NSMCE2: variants seen among roughly 807,000 people sequenced by gnomAD.
The protein encoded by NSMCE2 is NSE2 SUMO ligase component of SMC5/6 complex, also known as E3 SUMO-protein ligase NSE2.
NSMCE2 carries 24 observed loss-of-function variants against 23.8 expected under a neutral mutation model. The ratio of observed to expected loss-of-function variants is 1.01; its 90% CI spans 0.73 to 1.42. NSMCE2 has a LOEUF of 1.42. Ranked by LOEUF, NSMCE2 falls within the 40% of genes most tolerant of loss-of-function variation. NSMCE2 has a pLI of 0.00. For missense variants in NSMCE2, 284 were observed against 296.5 expected (o/e 0.96, Z 0.31); for synonymous variants, 92 against 94.1 (o/e 0.98, Z 0.13).
At chr8:125,180,686 A>T (rs770506163) in intron 4 of NSMCE2, among the ~76,000 whole-genome samples, 1 of 152,182 alleles carries the variant, frequency 6.6e-6, no homozygotes, top group Non-Finnish European at 1.5e-5. Flanking sequence ...AAGTCATTTG[A>T]CTTCTTTCTA....
intron 5 of NSMCE2, among the ~76,000 whole-genome samples, chr8:125,347,498 G>A (rs560276242): frequency 2.4e-4 from 36 of 152,150 alleles, no homozygotes; most frequent in Non-Finnish European, 4.7e-4. Flanking sequence ...TACCAGACCC[G>A]ATCTTATTCC....
chr8:125,203,014 C>A (rs986279601), intron 5 of NSMCE2, among the ~76,000 whole-genome samples: 2 of 152,138 alleles, frequency 1.3e-5, no homozygotes, highest in African/African-American at 4.8e-5. Context: ...TCACCATGAA[C>A]CTTCCTATGC....
At chr8:125,109,793 A>C (rs1269340389) in intron 3 of NSMCE2, among the ~76,000 whole-genome samples, 1 of 152,150 alleles carries the variant, frequency 6.6e-6, no homozygotes, top group African/African-American at 2.4e-5. Flanking sequence ...ACGTTAGAAT[A>C]TATGGTGTCT....
intron 3 of NSMCE2, among the ~76,000 whole-genome samples, chr8:125,129,313 C>T (rs1819645966): frequency 6.6e-6 from 1 of 151,976 alleles, no homozygotes; most frequent in Non-Finnish European, 1.5e-5. Context: ...TGGTAATGAC[C>T]TTTATAGACT....
At chr8:125,224,113 G>A (rs193182283) in intron 5 of NSMCE2, among the ~76,000 whole-genome samples, 61 of 152,252 alleles carry the variant, frequency 4.0e-4, no homozygotes, top group African/African-American at 1.4e-3. Context: ...TGGGATTACA[G>A]GCATAAGCCA....
intron 5 of NSMCE2, among the ~76,000 whole-genome samples, chr8:125,297,702 G>A (rs1378267028): frequency 6.6e-6 from 1 of 151,834 alleles, no homozygotes; most frequent in Non-Finnish European, 1.5e-5. Flanking sequence ...AGGCATAATA[G>A]CGTGCGCCTG....
chr8:125,217,329 A>T (rs1053024305), intron 5 of NSMCE2, among the ~76,000 whole-genome samples: 40 of 151,720 alleles, frequency 2.6e-4, no homozygotes, highest in African/African-American at 6.8e-4. Flanking sequence ...TCACTTTTTT[A>T]AAAAATTTTA....
chr8:125,109,132 T>G (rs1025142841), intron 3 of NSMCE2, among the ~76,000 whole-genome samples: 5 of 152,208 alleles, frequency 3.3e-5, no homozygotes, highest in African/African-American at 9.6e-5. Flanking sequence ...ATGTATCTTA[T>G]ACCCTCATTG....
chr8:125,196,500 G>C (rs76381272), intron 5 of NSMCE2, among the ~76,000 whole-genome samples: 1 of 152,236 alleles, frequency 6.6e-6, no homozygotes, highest in African/African-American at 2.4e-5. Flanking sequence ...ATGGTTTCCA[G>C]CTTCATCCAT....
intron 4 of NSMCE2, among the ~76,000 whole-genome samples, chr8:125,159,504 C>T (rs941755140): frequency 2.0e-5 from 3 of 152,094 alleles, no homozygotes; most frequent in Non-Finnish European, 4.4e-5. Context: ...TACTATAGAG[C>T]CCAGGAGTGT....
intron 5 of NSMCE2, among the ~76,000 whole-genome samples, chr8:125,222,713 A>G (rs951822540): frequency 1.3e-5 from 2 of 152,296 alleles, no homozygotes; most frequent in Non-Finnish European, 1.5e-5. Flanking sequence ...TTTAAAGGCT[A>G]GCTAGTATTC....
At chr8:125,182,499 A>G (rs1015290956) in intron 5 of NSMCE2, 14 of 551,580 alleles carry the variant, frequency 2.5e-5, no homozygotes, top group Admixed American at 3.8e-5. Context: ...GCAGCTAGTT[A>G]TGTGTATTGT....
chr8:125,281,742 T>C (rs2131128577), intron 5 of NSMCE2, among the ~76,000 whole-genome samples: 1 of 149,688 alleles, frequency 6.7e-6, no homozygotes, highest in South Asian at 2.1e-4. Context: ...TGCACGGCCG[T>C]AACTTTTTTT....
chr8:125,185,873 A>T (rs1057379975), intron 5 of NSMCE2, among the ~76,000 whole-genome samples: 3 of 152,224 alleles, frequency 2.0e-5, no homozygotes, highest in Admixed American at 6.5e-5. Flanking sequence ...AATAGAAGGT[A>T]ACTAGCTCCT....
intron 5 of NSMCE2, among the ~76,000 whole-genome samples, chr8:125,314,974 A>G (rs1829121491): frequency 6.6e-6 from 1 of 152,196 alleles, no homozygotes; most frequent in African/African-American, 2.4e-5. Context: ...GACCTCAGAG[A>G]TGTAACTAGA....
intron 5 of NSMCE2, among the ~76,000 whole-genome samples, chr8:125,291,033 G>A (rs1001567238): frequency 2.0e-5 from 3 of 152,104 alleles, no homozygotes; most frequent in Admixed American, 6.6e-5. Context: ...TGCCTTCATG[G>A]GAATTATAGT....
chr8:125,271,708 A>C (rs1827197823), intron 5 of NSMCE2, among the ~76,000 whole-genome samples: 1 of 152,206 alleles, frequency 6.6e-6, no homozygotes, highest in African/African-American at 2.4e-5. Context: ...GGGTTTCAAC[A>C]TCAGCGTTCT....
rs542612591 is a variant in NSMCE2 at position 125,102,377 on chromosome 8, C to T, written c.47C>T (p.Ser16Phe). 37 of 1,613,792 alleles carry T rather than the reference C, an allele frequency of 2.3e-5. No individual in the cohort carries two copies. In the South Asian group the frequency reaches 4.0e-4, roughly 17 times the overall value. ...SSNSGSTGFI[S>F]FSGVESALSS... Reference sequence around the variant, plus strand: ...AATTCAGGTTCAACTGGTTTCATCTCCTTCAGTGGTGTAGAGTCTGCTCTC... The same window carrying T: ...AATTCAGGTTCAACTGGTTTCATCTTCTTCAGTGGTGTAGAGTCTGCTCTC... The change falls in exon 3 of 8, where the codon TCC becomes TTC. Residue 16 changes from serine to phenylalanine, a missense_variant. Physicochemically the swap from Ser to Phe is radical, Grantham distance 155. Around this residue, in one of 2 missense-constraint regions of NSMCE2, gnomAD observed 182 missense variants for 155.5 expected, o/e 1.17. Transcript: ENST00000287437.
intron 5 of NSMCE2, among the ~76,000 whole-genome samples, chr8:125,339,464 C>G (rs1830165333): frequency 6.6e-6 from 1 of 152,156 alleles, no homozygotes; most frequent in Non-Finnish European, 1.5e-5. Flanking sequence ...TGCAGGCAAG[C>G]TTCTGTATAG....
Sources: gnomAD v4.1 joint callset for allele counts (sites outside exome capture counted in the v4.1 genomes callset) on GRCh38, gnomAD v4.1.1 for gene constraint, gnomAD v4.1.1 regional missense constraint, MANE v1.5 for transcripts, NCBI Gene and HGNC (gene_info 2026-07-23, HGNC 2026-07-21) for gene names.